The following TADA2B variants were observed in gnomAD, a reference collection of about 807,000 sequenced individuals.
The protein encoded by TADA2B is transcriptional adapter 2-beta.
TADA2B carries 13 observed loss-of-function variants against 34.5 expected under a neutral mutation model. The ratio of observed to expected loss-of-function variants is 0.38; its 90% CI spans 0.25 to 0.60. The LOEUF (loss-of-function observed/expected upper bound fraction) is 0.60, where lower values mean the gene tolerates loss of function less well. Among genes scored for constraint, TADA2B ranks in the 20% least tolerant of loss-of-function variants. The pLI is 0.65. For synonymous variants in TADA2B, 240 were observed against 243.4 expected (o/e 0.99, Z 0.13); for missense variants, 442 against 575.0 (o/e 0.77, Z 2.37).
At position 7,054,432 on chromosome 4, in the gene TADA2B, AAGAG is replaced by A; in HGVS notation, c.645_648del (p.Glu215AspfsTer29). The A allele has an allele frequency of 8.7e-6, 14 of 1,613,740 alleles. No individual in the cohort carries two copies. Among genetic ancestry groups the A allele is most frequent in the Non-Finnish European group, 1.2e-5 (14 of 1,179,898 alleles). On this transcript the variant is annotated frameshift_variant, in exon 2 of 2. Coordinates refer to ENST00000310074, the MANE Select transcript of TADA2B (RefSeq NM_152293.3). LOFTEE classifies it high-confidence loss of function. ...GTGGACATGTACGTGCGGAAGCTGA[AAGAG>A]AGACAGCGGCGGAAGAACATCGCCC...
chr4:7,054,472 T>C lies in TADA2B; in HGVS notation c.681T>C (p.Asn227=). Residue 227 remains asparagine (N), a synonymous_variant, in exon 2 of 2, where the codon AAT becomes AAC. Transcript: ENST00000310074. The stretch of plus-strand genomic sequence containing the variant: ...GGAAGAACATCGCCCGTGACTACAA[T>C]CTGGTGCCAGCCTTCCTGGGGAAGG... ...QRRKNIARDY[N]LVPAFLGKDK... 1.2e-6 allele frequency: 2 copies of C among 1,613,378 alleles called. No individual in the cohort carries two copies. Among genetic ancestry groups the C allele is most frequent in the Non-Finnish European group, 8.5e-7 (1 of 1,179,856 alleles).
chr4:7,054,177 C>T lies in TADA2B; in HGVS notation c.386C>T (p.Pro129Leu). The change falls in exon 2 of 2, where the codon CCC (proline) becomes CTC (leucine). Residue 129 changes from proline to leucine, a missense_variant. Around this residue, in one of 4 missense-constraint regions of TADA2B, gnomAD observed 222 missense variants for 235.2 expected, o/e 0.94. Coordinates refer to ENST00000310074, the MANE Select transcript of TADA2B (RefSeq NM_152293.3). ...LGKACIPDTI[P>L]NRVTDHTCPS... ...AAGGCCTGCATCCCCGACACCATCCCCAACCGCGTGACAGACCACACCTGT... is the reference window on the plus strand; with the variant it reads ...AAGGCCTGCATCCCCGACACCATCCTCAACCGCGTGACAGACCACACCTGT... The T allele has an allele frequency of 6.2e-7, 1 of 1,606,048 alleles. No homozygotes were observed. The highest frequency in any genetic ancestry group is 8.5e-7 in the Non-Finnish European group (1 of 1,176,468).
At chr4:7,050,680 G>A (rs549865261) in intron 1 of TADA2B, among the ~76,000 whole-genome samples, 1 of 152,286 alleles carries the variant, frequency 6.6e-6, no homozygotes, top group East Asian at 1.9e-4. Context: ...CGGGCACGAC[G>A]CCGGGCGCAA....
At chr4:7,049,463 G>A (rs1560392935) in intron 1 of TADA2B, among the ~76,000 whole-genome samples, 1 of 152,222 alleles carries the variant, frequency 6.6e-6, no homozygotes, top group African/African-American at 2.4e-5. Flanking sequence ...TGACCTGAAG[G>A]TGTCAGTCAC....
chr4:7,046,406 T>G (rs1365843889), intron 1 of TADA2B, among the ~76,000 whole-genome samples: 1 of 152,214 alleles, frequency 6.6e-6, no homozygotes, highest in Non-Finnish European at 1.5e-5. Flanking sequence ...TGTGGGATCT[T>G]CCTAGCAACC....
rs775380828 is a variant in TADA2B at position 7,054,709 on chromosome 4, A to C, written c.918A>C (p.Ala306=). 9 of 1,613,866 alleles carry C rather than the reference A, an allele frequency of 5.6e-6. No homozygotes were observed. The highest frequency in any genetic ancestry group is 1.1e-5 in the South Asian group (1 of 91,080). ...RNGITKMEES[A]EYEAARHKRE... Reference sequence around the variant, plus strand: ...GGATCACCAAGATGGAAGAGTCGGCAGAGTACGAGGCAGCGCGGCATAAAC... The same window carrying C: ...GGATCACCAAGATGGAAGAGTCGGCCGAGTACGAGGCAGCGCGGCATAAAC... Residue 306 remains alanine (A), a synonymous_variant, in exon 2 of 2, where the codon GCA becomes GCC. Coordinates refer to ENST00000310074, the MANE Select transcript of TADA2B (RefSeq NM_152293.3).
In TADA2B at chr4:7,050,456, G is replaced by A. The variant is rs144548707; in HGVS notation, c.271-3606G>A. 9.6e-3 allele frequency among the ~76,000 whole-genome samples: 1,467 copies of A among 152,370 alleles called. 26 individuals are homozygous for A. Among genetic ancestry groups the A allele is most frequent in the African/African-American group, 0.033 (1,392 of 41,590 alleles). On this transcript the variant is annotated intron_variant, in intron 1 of 1. Coordinates refer to ENST00000310074, the MANE Select transcript of TADA2B (RefSeq NM_152293.3). ...TTCATTTGGAGAAAAAGGAGCTGGT[G>A]CTGGGCCTCCCTTTGGAGACGACGC...
chr4:7,046,040 C>T (rs1281457173), intron 1 of TADA2B: 1 of 152,246 alleles, frequency 6.6e-6, no homozygotes, highest in Non-Finnish European at 1.5e-5. Flanking sequence ...ACTTGGTGCA[C>T]AGCGAGCCTG....
chr4:7,050,697 G>C (rs899287302), intron 1 of TADA2B, among the ~76,000 whole-genome samples: 7 of 152,260 alleles, frequency 4.6e-5, no homozygotes, highest in Non-Finnish European at 1.0e-4. Flanking sequence ...GCAAAGGCCT[G>C]CGTTCACTGC....
At position 7,055,250 on chromosome 4, in the gene TADA2B, A is replaced by C; in HGVS notation, c.*196A>C. On this transcript the variant is annotated 3_prime_UTR_variant, in exon 2 of 2. Transcript: ENST00000310074. ...TTATATTGGATCATGGGGGAAGCAA[A>C]TGTGTGTATTTTAAGTGAGTTCCTG... The C allele has an allele frequency of 1.6e-6, 1 of 607,336 alleles. No individual in the cohort carries two copies. Among genetic ancestry groups the C allele is most frequent in the Non-Finnish European group, 2.8e-6 (1 of 354,594 alleles). 37.6% of individuals were successfully genotyped at this position (607,336 alleles called of 1,614,324 possible). A position where few individuals can be genotyped will look rare whatever the true frequency, so the allele number is the denominator to read the frequency against.
intron 1 of TADA2B, among the ~76,000 whole-genome samples, chr4:7,050,612 G>GAT (rs200133007): frequency 0.024 from 3,695 of 152,344 alleles, 68 homozygotes; most frequent in Non-Finnish European, 0.036. Context: ...AGAGCCGCAG[G>GAT]GCTTTGCGGC....
chr4:7,046,836 G>C (rs1024032235), intron 1 of TADA2B, among the ~76,000 whole-genome samples: 1 of 152,178 alleles, frequency 6.6e-6, no homozygotes, highest in Non-Finnish European at 1.5e-5. Context: ...TCATGGGAGA[G>C]GGTGGATTGT....
At position 7,057,691 on chromosome 4, in the gene TADA2B, G is replaced by T. The variant is rs1366334387; in HGVS notation, c.*2637G>T. Reference sequence around the variant, plus strand: ...AGTCCCAGCTACTTGGGAGGCTGAGGTAGGAGAATTGCTTGAACCTGGGAG... The same window carrying T: ...AGTCCCAGCTACTTGGGAGGCTGAGTTAGGAGAATTGCTTGAACCTGGGAG... On this transcript the variant is annotated 3_prime_UTR_variant, in exon 2 of 2. Transcript: ENST00000310074. The T allele has an allele frequency of 6.6e-6, 1 of 152,142 alleles. No homozygotes were observed. Among genetic ancestry groups the T allele is most frequent in the South Asian group, 2.1e-4 (1 of 4,836 alleles). 9.4% of individuals were successfully genotyped at this position (152,142 alleles called of 1,614,324 possible). A position where few individuals can be genotyped will look rare whatever the true frequency, so the allele number is the denominator to read the frequency against.
rs1723855569 is a variant in TADA2B at position 7,054,955 on chromosome 4, C to T, written c.1164C>T (p.Pro388=). Residue 388 remains proline (P), a synonymous_variant, in exon 2 of 2, where the codon CCC becomes CCT. Transcript: ENST00000310074. The part of the protein sequence containing the change: ...KDHLQKRQGI[P]SKSRLPSYLD... The stretch of plus-strand genomic sequence containing the variant: ...ACCTCCAGAAGCGGCAAGGAATCCC[C>T]TCCAAAAGCCGCCTTCCTAGCTACC... 1.2e-6 allele frequency: 2 copies of T among 1,613,774 alleles called. No homozygotes were observed. The highest frequency in any genetic ancestry group is 1.7e-6 in the Non-Finnish European group (2 of 1,179,912).
Position 7,047,934 on chromosome 4 carries a change from G to A in TADA2B, c.270+4085G>A, listed in dbSNP as rs76174870. Reference sequence around the variant, plus strand: ...CACGCGCCCCTCTCACCATCTCCCCGTCCCCTAATCCCTGAGACAGGTGCT... The same window carrying A: ...CACGCGCCCCTCTCACCATCTCCCCATCCCCTAATCCCTGAGACAGGTGCT... On this transcript the variant is annotated intron_variant, in intron 1 of 1. Coordinates refer to ENST00000310074, the MANE Select transcript of TADA2B (RefSeq NM_152293.3). Among the ~76,000 whole-genome samples, 993 of 152,228 alleles carry A rather than the reference G, an allele frequency of 6.5e-3. 14 individuals carry two copies. Among genetic ancestry groups the A allele is most frequent in the African/African-American group, 0.023 (938 of 41,544 alleles).
Position 7,055,379 on chromosome 4 carries a change from G to A in TADA2B, c.*325G>A, listed in dbSNP as rs10937782. ...GAGTGTTCTTCTCTTTGGTACAAAAGCTATTGTGGGTGACAGGAGCAGTGT... is the reference window on the plus strand; with the variant it reads ...GAGTGTTCTTCTCTTTGGTACAAAAACTATTGTGGGTGACAGGAGCAGTGT... On this transcript the variant is annotated 3_prime_UTR_variant, in exon 2 of 2. Coordinates refer to ENST00000310074, the MANE Select transcript of TADA2B (RefSeq NM_152293.3). 3.5e-5 allele frequency: 8 copies of A among 225,456 alleles called. No individual in the cohort carries two copies. The East Asian group carries it at 8.8e-4, about 25-fold the overall frequency. The allele number at this position is 225,456 out of a possible 1,614,324, so 14.0% of individuals were successfully genotyped here. A position where few individuals can be genotyped will look rare whatever the true frequency, so the allele number is the denominator to read the frequency against.
Position 7,057,620 on chromosome 4 carries a change from C to G in TADA2B, c.*2566C>G, listed in dbSNP as rs956547340. 6.6e-6 allele frequency: 1 copy of G among 152,186 alleles called. No individual in the cohort carries two copies. Among genetic ancestry groups the G allele is most frequent in the Non-Finnish European group, 1.5e-5 (1 of 68,052 alleles). The allele number at this position is 152,186 out of a possible 1,614,324, so 9.4% of individuals were successfully genotyped here. A position where few individuals can be genotyped will look rare whatever the true frequency, so the allele number is the denominator to read the frequency against. On this transcript the variant is annotated 3_prime_UTR_variant, in exon 2 of 2. Coordinates refer to ENST00000310074, the MANE Select transcript of TADA2B (RefSeq NM_152293.3). ...TGGCCAACATGGTGAAACCCTGTCT[C>G]TACTAAAAATACAAAAATTAGCTGG...
chr4:7,044,281 G>T (rs574985970), intron 1 of TADA2B, among the ~76,000 whole-genome samples: 1 of 152,068 alleles, frequency 6.6e-6, no homozygotes, highest in Admixed American at 6.5e-5. Flanking sequence ...CTTGTCTCGG[G>T]GTCTCTGGGG....
intron 1 of TADA2B, among the ~76,000 whole-genome samples, chr4:7,048,294 A>T (rs1723683025): frequency 6.6e-6 from 1 of 151,952 alleles, no homozygotes; most frequent in Non-Finnish European, 1.5e-5. Context: ...AGGGGGAGGG[A>T]GAGCCCGGAT....
Sources: allele counts gnomAD v4.1 joint callset (sites outside exome capture counted in the v4.1 genomes callset), GRCh38; gene constraint gnomAD v4.1.1; regional missense constraint gnomAD v4.1.1; transcripts MANE v1.5; gene names NCBI Gene and HGNC (gene_info 2026-07-23, HGNC 2026-07-21).